The following ADAMTSL1 variants were observed in gnomAD, a reference collection of about 807,000 sequenced individuals.
ADAMTSL1 encodes ADAMTS like 1.
Under a neutral mutation model 201.8 loss-of-function variants are expected in ADAMTSL1, and 126 were observed. The observed-to-expected ratio is 0.62, with a 90% confidence interval of 0.54 to 0.72. The LOEUF (loss-of-function observed/expected upper bound fraction) is 0.72, where lower values mean the gene tolerates loss of function less well. Among genes scored for constraint, ADAMTSL1 ranks in the 30% least tolerant of loss-of-function variants. The pLI is 0.00. For missense variants in ADAMTSL1, 2,679 were observed against 2,277.8 expected, an observed-to-expected ratio of 1.18 and a Z score of -3.59; for synonymous variants, 1,121 against 903.4, an observed-to-expected ratio of 1.24 and a Z score of -4.32.
intron 15 of ADAMTSL1, among the ~76,000 whole-genome samples, chr9:18,752,545 A>C (rs1254355278): frequency 6.6e-6 from 1 of 152,218 alleles, no homozygotes; most frequent in Non-Finnish European, 1.5e-5. Flanking sequence ...CTGCATCAGC[A>C]GGGAAATGCA....
intron 2 of ADAMTSL1, among the ~76,000 whole-genome samples, chr9:18,176,318 C>T (rs537297103): frequency 6.6e-6 from 1 of 151,982 alleles, no homozygotes; most frequent in Non-Finnish European, 1.5e-5. Context: ...AAAATAGTAA[C>T]AACAATAGTA....
At chr9:18,571,690 G>C (rs1026236867) in intron 3 of ADAMTSL1, among the ~76,000 whole-genome samples, 7 of 152,192 alleles carry the variant, frequency 4.6e-5, no homozygotes, top group African/African-American at 1.7e-4. Flanking sequence ...TTTAAGGAAG[G>C]CTACGTGTAG....
chr9:17,988,199 G>A (rs143883946), intron 1 of ADAMTSL1, among the ~76,000 whole-genome samples: 5 of 152,130 alleles, frequency 3.3e-5, no homozygotes, highest in African/African-American at 1.2e-4. Flanking sequence ...TATTCCTCAA[G>A]ATTCCTTTCA....
intron 19 of ADAMTSL1, among the ~76,000 whole-genome samples, chr9:18,787,306 A>G (rs987782331): frequency 1.3e-5 from 2 of 152,216 alleles, no homozygotes; most frequent in Non-Finnish European, 2.9e-5. Context: ...TTGAGTGTCA[A>G]CACAGTGGTC....
At chr9:18,644,001 C>T (rs770469701) in intron 7 of ADAMTSL1, among the ~76,000 whole-genome samples, 16 of 151,852 alleles carry the variant, frequency 1.1e-4, no homozygotes, top group Non-Finnish European at 2.1e-4. Flanking sequence ...TAAATTCTTC[C>T]AATTCATAAC....
chr9:18,103,195 A>T (rs79690441), intron 1 of ADAMTSL1, among the ~76,000 whole-genome samples: 3,806 of 152,296 alleles, frequency 0.025, 90 homozygotes, highest in African/African-American at 0.055. Flanking sequence ...GAATGTTAGA[A>T]AAACACATTT....
chr9:18,873,274 C>G (rs1009970144), intron 23 of ADAMTSL1, among the ~76,000 whole-genome samples: 2 of 152,120 alleles, frequency 1.3e-5, no homozygotes, highest in Non-Finnish European at 1.5e-5. Context: ...TGATTATTTC[C>G]TTTGCTGTTG....
At chr9:18,364,899 T>G (rs1004884767) in intron 2 of ADAMTSL1, among the ~76,000 whole-genome samples, 3 of 151,962 alleles carry the variant, frequency 2.0e-5, no homozygotes, top group African/African-American at 7.3e-5. Context: ...CACTATGCAG[T>G]ACCAAAGCGG....
chr9:17,976,135 T>C (rs1383039847), intron 1 of ADAMTSL1, among the ~76,000 whole-genome samples: 1 of 152,116 alleles, frequency 6.6e-6, no homozygotes, highest in Non-Finnish European at 1.5e-5. Context: ...TAATTTGTAA[T>C]ATAATTTGAA....
chr9:18,165,174 A>G (rs1344180215), intron 2 of ADAMTSL1, among the ~76,000 whole-genome samples: 1 of 151,898 alleles, frequency 6.6e-6, no homozygotes, highest in African/African-American at 2.4e-5. Flanking sequence ...CCTTCTTATG[A>G]AAAATATCTT....
At chr9:18,315,288 C>T (rs1383928780) in intron 2 of ADAMTSL1, among the ~76,000 whole-genome samples, 1 of 152,182 alleles carries the variant, frequency 6.6e-6, no homozygotes, top group Non-Finnish European at 1.5e-5. Context: ...CAAGTCCCCA[C>T]CTGACTCAGG....
chr9:18,886,015 G>T (rs1194016429), intron 23 of ADAMTSL1, among the ~76,000 whole-genome samples: 2 of 151,728 alleles, frequency 1.3e-5, no homozygotes, highest in East Asian at 3.9e-4. Flanking sequence ...GGCCAGGTGT[G>T]GTGGCTCACT....
intron 2 of ADAMTSL1, among the ~76,000 whole-genome samples, chr9:18,218,786 G>T (rs898497918): frequency 2.6e-5 from 4 of 151,694 alleles, no homozygotes; most frequent in African/African-American, 9.7e-5. Flanking sequence ...GTCAATCTTT[G>T]CATAATGATG....
intron 25 of ADAMTSL1, chr9:18,890,605 C>T (rs1179375942): frequency 4.4e-6 from 2 of 455,980 alleles, no homozygotes; most frequent in East Asian, 6.9e-5. Flanking sequence ...AAATATGAAA[C>T]ATGCTCATTA....
intron 1 of ADAMTSL1, among the ~76,000 whole-genome samples, chr9:18,119,184 G>T (rs1367585120): frequency 2.6e-5 from 4 of 152,142 alleles, no homozygotes; most frequent in African/African-American, 9.7e-5. Context: ...GTAAGAAGTT[G>T]TTATTATTAA....
intron 13 of ADAMTSL1, among the ~76,000 whole-genome samples, chr9:18,694,438 G>A (rs1410198039): frequency 1.3e-5 from 2 of 152,138 alleles, no homozygotes; most frequent in Non-Finnish European, 2.9e-5. Context: ...TAAAAAACAA[G>A]TTAGTTACTT....
At chr9:18,746,626 G>A (rs958341390) in intron 15 of ADAMTSL1, among the ~76,000 whole-genome samples, 1 of 152,086 alleles carries the variant, frequency 6.6e-6, no homozygotes, top group African/African-American at 2.4e-5. Context: ...AATAGCTCAG[G>A]GTGGGAAGGG....
chr9:18,060,839 T>C (rs1186515327), intron 1 of ADAMTSL1, among the ~76,000 whole-genome samples: 1 of 152,182 alleles, frequency 6.6e-6, no homozygotes, highest in Non-Finnish European at 1.5e-5. Flanking sequence ...ATATACACAT[T>C]ACTTATTAAC....
At chr9:18,170,327 T>C (rs1338775305) in intron 2 of ADAMTSL1, among the ~76,000 whole-genome samples, 2 of 152,066 alleles carry the variant, frequency 1.3e-5, no homozygotes, top group Non-Finnish European at 2.9e-5. Context: ...CCAAACACTT[T>C]ACTAAGGGAT....
Sources: gnomAD v4.1 joint callset for allele counts (sites outside exome capture counted in the v4.1 genomes callset) on GRCh38, gnomAD v4.1.1 for gene constraint, MANE v1.5 for transcripts, NCBI Gene and HGNC (gene_info 2026-07-23, HGNC 2026-07-21) for gene names.